ROBO2: variants seen among roughly 807,000 people sequenced by gnomAD.
The protein encoded by ROBO2 is roundabout homolog 2.
In ROBO2, 53 loss-of-function variants were observed where a neutral mutation model predicts 160.8. The observed-to-expected ratio is 0.33, with a 90% CI of 0.26 to 0.41. ROBO2 has a LOEUF of 0.41. ROBO2 is among the 10% of genes least tolerant of loss of function. The probability of loss-of-function intolerance (pLI) is 1.00; values close to 1 mark genes in which losing one functional copy is unlikely to be tolerated. For missense variants in ROBO2, 1,577 were observed against 1,722.4 expected, an observed-to-expected ratio of 0.92 and a Z score of 1.49; for synonymous variants, 664 against 611.7, an observed-to-expected ratio of 1.09 and a Z score of -1.26.
chr3:76,784,955 G>A (rs1293540559), intron 2 of ROBO2, among the ~76,000 whole-genome samples: 3 of 151,072 alleles, frequency 2.0e-5, no homozygotes, highest in African/African-American at 4.9e-5. Flanking sequence ...TCTTCAATGT[G>A]TCCACTCTTG....
chr3:77,141,869 T>G (rs2076733167), intron 2 of ROBO2, among the ~76,000 whole-genome samples: 1 of 152,236 alleles, frequency 6.6e-6, no homozygotes, highest in Non-Finnish European at 1.5e-5. Context: ...TGAATTGCAC[T>G]AATACTGCCA....
chr3:76,653,648 G>T (rs2109924162), intron 2 of ROBO2, among the ~76,000 whole-genome samples: 1 of 151,832 alleles, frequency 6.6e-6, no homozygotes, highest in South Asian at 2.1e-4. Context: ...TAAAAATCGA[G>T]GCGTTCACAC....
chr3:77,285,442 ATCTT>A (rs1308387187), intron 2 of ROBO2, among the ~76,000 whole-genome samples: 1 of 152,188 alleles, frequency 6.6e-6, no homozygotes, highest in African/African-American at 2.4e-5. Flanking sequence ...ACTTACACCA[ATCTT>A]TCTTTCCACA....
intron 2 of ROBO2, among the ~76,000 whole-genome samples, chr3:77,181,780 T>G (rs1305202682): frequency 6.6e-6 from 1 of 152,116 alleles, no homozygotes; most frequent in Non-Finnish European, 1.5e-5. Context: ...TATGTAAATT[T>G]TCAAATATTT....
chr3:76,879,243 C>T (rs1012018785), intron 2 of ROBO2, among the ~76,000 whole-genome samples: 24 of 152,048 alleles, frequency 1.6e-4, no homozygotes, highest in African/African-American at 5.1e-4. Flanking sequence ...ATCATGTATT[C>T]ACTTTCAGAT....
chr3:77,343,057 G>GGAGAGA (rs766199289), intron 2 of ROBO2, among the ~76,000 whole-genome samples: 7 of 63,666 alleles, frequency 1.1e-4, no homozygotes, highest in African/African-American at 3.2e-4. Context: ...ATAGGTAGAT[G>GGAGAGA]GAGAGAGAGA....
At chr3:77,073,330 A>G (rs1349098520) in intron 1 of ROBO2, among the ~76,000 whole-genome samples, 1 of 152,132 alleles carries the variant, frequency 6.6e-6, no homozygotes, top group Non-Finnish European at 1.5e-5. Context: ...ACACATTTTT[A>G]TTTGCTAAGA....
At chr3:76,784,224 A>G (rs1391449168) in intron 2 of ROBO2, among the ~76,000 whole-genome samples, 1 of 151,136 alleles carries the variant, frequency 6.6e-6, no homozygotes, top group African/African-American at 2.4e-5. Flanking sequence ...AAAAACAACA[A>G]TTACCTTCTC....
intron 2 of ROBO2, among the ~76,000 whole-genome samples, chr3:76,136,436 T>G (rs1202867798): frequency 6.6e-6 from 1 of 152,136 alleles, no homozygotes; most frequent in Non-Finnish European, 1.5e-5. Flanking sequence ...TGATAATGAT[T>G]GAAAAACGGA....
At position 77,385,525 on chromosome 3, in the gene ROBO2, T is replaced by C. The variant is rs148926941; in HGVS notation, c.389-91889T>C. 7.6e-4 allele frequency among the ~76,000 whole-genome samples: 115 copies of C among 152,308 alleles called. 1 individual carries two copies. The highest frequency in any genetic ancestry group is 2.6e-3 in the African/African-American group (106 of 41,566). On this transcript the variant is annotated intron_variant, in intron 2 of 25. Coordinates refer to ENST00000461745, the Ensembl canonical transcript of ROBO2. Reference sequence around the variant, plus strand: ...TCTAGAACATTTATCTGAAGATAAATAACTTTGAAACAGAGTTTAACAATG... The same window carrying C: ...TCTAGAACATTTATCTGAAGATAAACAACTTTGAAACAGAGTTTAACAATG...
At chr3:76,636,030 G>T (rs981476738) in intron 2 of ROBO2, among the ~76,000 whole-genome samples, 14 of 152,094 alleles carry the variant, frequency 9.2e-5, no homozygotes, top group African/African-American at 3.4e-4. Flanking sequence ...TTACATTTGA[G>T]ACTTAATTAT....
intron 1 of ROBO2, among the ~76,000 whole-genome samples, chr3:75,908,866 G>T (rs746114970): frequency 1.3e-5 from 2 of 152,140 alleles, no homozygotes; most frequent in Non-Finnish European, 2.9e-5. Context: ...ATATTCTTGG[G>T]ATAATTTGTG....
intron 2 of ROBO2, among the ~76,000 whole-genome samples, chr3:76,372,277 G>T (rs560965281): frequency 4.0e-5 from 6 of 151,868 alleles, no homozygotes; most frequent in African/African-American, 1.4e-4. Context: ...CTGTACAGAA[G>T]CTAAAAATTT....
rs11370978 is a variant in ROBO2, at chr3:76,668,746, G to GAA, written c.110-429257_110-429256dup. ...CTAGGTTGGAGCTTCCAAACTCAGA[G>GAA]AAAAAAAAAAAATTCAGTTAGCAGC... On this transcript the variant is annotated intron_variant, in intron 2 of 26. Transcript: ENST00000487694. Among the ~76,000 whole-genome samples, 213 of 149,630 alleles carry GAA rather than the reference G, an allele frequency of 1.4e-3. 2 individuals are homozygous for GAA. Among genetic ancestry groups the GAA allele is most frequent in the East Asian group, 3.7e-3 (19 of 5,090 alleles).
chr3:77,065,660 A>T (rs2066763897), intron 1 of ROBO2, among the ~76,000 whole-genome samples: 1 of 152,170 alleles, frequency 6.6e-6, no homozygotes, highest in African/African-American at 2.4e-5. Flanking sequence ...ACATTTCTTA[A>T]AATTGGTTAA....
At chr3:76,035,921 A>T (rs1048827981) in intron 2 of ROBO2, among the ~76,000 whole-genome samples, 2 of 151,970 alleles carry the variant, frequency 1.3e-5, no homozygotes, top group Admixed American at 6.6e-5. Context: ...TTCATGGAAA[A>T]ACGCAAGACC....
At chr3:77,293,449 A>C (rs1377078260) in intron 2 of ROBO2, among the ~76,000 whole-genome samples, 2 of 148,194 alleles carry the variant, frequency 1.3e-5, no homozygotes, top group Non-Finnish European at 2.9e-5. Context: ...CACTAAAGAC[A>C]TAAAGTAAAA....
chr3:76,699,900 T>C (rs2093011418), intron 2 of ROBO2, among the ~76,000 whole-genome samples: 1 of 152,116 alleles, frequency 6.6e-6, no homozygotes, highest in African/African-American at 2.4e-5. Flanking sequence ...ACACTATGGA[T>C]ATTGCTGCTA....
At chr3:76,508,810 A>G (rs2080929476) in intron 2 of ROBO2, among the ~76,000 whole-genome samples, 1 of 152,192 alleles carries the variant, frequency 6.6e-6, no homozygotes, top group African/African-American at 2.4e-5. Flanking sequence ...TTCAAAATGT[A>G]CTGTTTATAT....
Sources: allele counts gnomAD v4.1 joint callset (sites outside exome capture counted in the v4.1 genomes callset), GRCh38; gene constraint gnomAD v4.1.1; transcripts MANE v1.5; gene names NCBI Gene and HGNC (gene_info 2026-07-23, HGNC 2026-07-21).